MARCHF1: variants seen among roughly 807,000 people sequenced by gnomAD.
The protein encoded by MARCHF1 is E3 ubiquitin-protein ligase MARCHF1.
In MARCHF1, 40 loss-of-function variants were observed where a neutral mutation model predicts 54.2. The ratio of observed to expected loss-of-function variants is 0.74; its 90% CI spans 0.57 to 0.96. MARCHF1 has a LOEUF of 0.96. Among genes scored for constraint, MARCHF1 ranks in the 40% least tolerant of loss-of-function variants. The pLI, the probability that MARCHF1 is intolerant of heterozygous loss-of-function variation, is 0.00. For synonymous variants in MARCHF1, 236 were observed against 236.3 expected (o/e 1.00, Z 0.01); for missense variants, 586 against 656.5 (o/e 0.89, Z 1.17).
intron 4 of MARCHF1, among the ~76,000 whole-genome samples, chr4:163,835,315 G>C (rs994063115): frequency 2.0e-5 from 3 of 152,188 alleles, no homozygotes; most frequent in African/African-American, 7.2e-5. Flanking sequence ...TAAAATCCCA[G>C]TCAGAAATCT....
At chr4:164,352,156 C>CAG (rs1730361414) in intron 1 of MARCHF1, among the ~76,000 whole-genome samples, 1 of 106,076 alleles carries the variant, frequency 9.4e-6, no homozygotes, top group Admixed American at 9.2e-5. Flanking sequence ...GAAAGTGATG[C>CAG]GGAGAATGGA....
intron 1 of MARCHF1, among the ~76,000 whole-genome samples, chr4:164,199,327 A>C (rs1731371641): frequency 6.6e-6 from 1 of 152,152 alleles, no homozygotes; most frequent in Non-Finnish European, 1.5e-5. Context: ...CCACAAATTC[A>C]TCTACCACAC....
intron 2 of MARCHF1, among the ~76,000 whole-genome samples, chr4:164,020,378 G>A (rs1483668889): frequency 1.3e-5 from 2 of 152,174 alleles, no homozygotes; most frequent in Admixed American, 6.5e-5. Context: ...TAAAATATGA[G>A]ATGAAGCATC....
intron 4 of MARCHF1, among the ~76,000 whole-genome samples, chr4:163,823,355 A>G (rs972998553): frequency 6.6e-6 from 1 of 151,846 alleles, no homozygotes; most frequent in African/African-American, 2.4e-5. Context: ...TAGAATCATA[A>G]TTTGTAAATC....
chr4:163,894,652 C>CAT (rs767109244), intron 3 of MARCHF1, among the ~76,000 whole-genome samples: 85 of 888 alleles, frequency 0.096, 37 homozygotes, highest in Non-Finnish European at 0.12. Flanking sequence ...GCATGTGATG[C>CAT]ATATATATGC....
chr4:164,062,296 T>C (rs917205227), intron 2 of MARCHF1, among the ~76,000 whole-genome samples: 1 of 152,118 alleles, frequency 6.6e-6, no homozygotes, highest in African/African-American at 2.4e-5. Context: ...ACTTCCTCCA[T>C]TGAAATTTTG....
intron 3 of MARCHF1, among the ~76,000 whole-genome samples, chr4:163,901,551 C>T (rs1750941115): frequency 6.6e-6 from 1 of 152,124 alleles, no homozygotes; most frequent in South Asian, 2.1e-4. Context: ...CAAGGCAGCA[C>T]ACTTACTGCA....
At chr4:163,918,387 C>A (rs72685690) in intron 3 of MARCHF1, among the ~76,000 whole-genome samples, 16,158 of 152,028 alleles carry the variant, frequency 0.11, 906 homozygotes, top group Non-Finnish European at 0.13. Context: ...CTGTGTTATA[C>A]CTTTTATGGT....
chr4:164,350,493 G>C (rs1730253867), intron 1 of MARCHF1, among the ~76,000 whole-genome samples: 1 of 152,240 alleles, frequency 6.6e-6, no homozygotes, highest in East Asian at 1.9e-4. Context: ...AAAGCTAAAA[G>C]AGAGGATTTT....
Position 163,532,067 on chromosome 4 carries a change from C to G in MARCHF1, c.1340-3021G>C, listed in dbSNP as rs149282380. Among the ~76,000 whole-genome samples the G allele has an allele frequency of 5.9e-5, 9 of 151,918 alleles. No homozygotes were observed. The East Asian group carries it at 1.7e-3, about 29-fold the overall frequency. Reference sequence around the variant, plus strand: ...AATACTATCCCATTCAGAATTCCAGCAAGTTATTTTATGGATATTGACAAA... The same window carrying G: ...AATACTATCCCATTCAGAATTCCAGGAAGTTATTTTATGGATATTGACAAA... On this transcript the variant is annotated intron_variant, in intron 9 of 9. Transcript: ENST00000514618.
intron 3 of MARCHF1, among the ~76,000 whole-genome samples, chr4:163,940,670 A>T (rs1751894383): frequency 6.6e-6 from 1 of 152,238 alleles, no homozygotes; most frequent in African/African-American, 2.4e-5. Context: ...TAATTTTATA[A>T]AATATTTGTG....
At chr4:164,166,334 CTAGT>C (rs1056517790) in intron 1 of MARCHF1, among the ~76,000 whole-genome samples, 4 of 151,936 alleles carry the variant, frequency 2.6e-5, no homozygotes, top group Non-Finnish European at 5.9e-5. Context: ...AAGTGTGAAG[CTAGT>C]TAAAGGCTTT....
chr4:163,743,134 G>C (rs936814844), intron 4 of MARCHF1, among the ~76,000 whole-genome samples: 2 of 152,154 alleles, frequency 1.3e-5, no homozygotes, highest in African/African-American at 4.8e-5. Context: ...GCTACTGGGG[G>C]AAGAGGACAG....
intron 4 of MARCHF1, among the ~76,000 whole-genome samples, chr4:163,701,943 C>A (rs938425467): frequency 1.3e-5 from 2 of 151,800 alleles, no homozygotes; most frequent in African/African-American, 4.8e-5. Context: ...TATAACAACC[C>A]GTGGGGCTGA....
chr4:164,094,514 G>A (rs1320892918), intron 2 of MARCHF1, among the ~76,000 whole-genome samples: 4 of 152,204 alleles, frequency 2.6e-5, no homozygotes, highest in South Asian at 4.1e-4. Flanking sequence ...ATTGCCATAA[G>A]GTTATATAAG....
At chr4:163,755,324 T>G (rs1442732137) in intron 4 of MARCHF1, among the ~76,000 whole-genome samples, 1 of 152,166 alleles carries the variant, frequency 6.6e-6, no homozygotes, top group Non-Finnish European at 1.5e-5. Flanking sequence ...CCACAGCTAA[T>G]AAACTTTTTG....
rs375137844 is a variant in MARCHF1, at chr4:164,147,010, A to G, written c.-322-35348T>C. 7.1e-3 allele frequency among the ~76,000 whole-genome samples: 1,075 copies of G among 151,720 alleles called. 11 individuals carry two copies. Among genetic ancestry groups the G allele is most frequent in the African/African-American group, 0.025 (1,011 of 41,192 alleles). ...CAAACAACCCCCTCAAAAAGTGGGC[A>G]AAGGACATGAACAGACACTTCTCAA... On this transcript the variant is annotated intron_variant, in intron 1 of 9. Transcript: ENST00000514618.
At chr4:164,324,379 C>T (rs868160041) in intron 1 of MARCHF1, among the ~76,000 whole-genome samples, 3 of 151,674 alleles carry the variant, frequency 2.0e-5, no homozygotes, top group South Asian at 2.1e-4. Context: ...CACAGGGAAA[C>T]ACACTATTAT....
rs938009653 is a variant in MARCHF1 at position 163,866,381 on chromosome 4, T to C, written c.-38-12212A>G. 8.7e-5 allele frequency among the ~76,000 whole-genome samples: 13 copies of C among 148,602 alleles called. 1 individual carries two copies. The highest frequency in any genetic ancestry group is 8.2e-4 in the Admixed American group (12 of 14,694). Reference sequence around the variant, plus strand: ...TTTATTTCAGGTTTCAAAATATACATGTAGAATGAAAATAGAGAAAAAATA... The same window carrying C: ...TTTATTTCAGGTTTCAAAATATACACGTAGAATGAAAATAGAGAAAAAATA... On this transcript the variant is annotated intron_variant, in intron 3 of 9. Coordinates refer to ENST00000514618, the MANE Select transcript of MARCHF1 (RefSeq NM_001394959.1).
Sources: allele counts gnomAD v4.1 joint callset (sites outside exome capture counted in the v4.1 genomes callset), GRCh38; gene constraint gnomAD v4.1.1; transcripts MANE v1.5; gene names NCBI Gene and HGNC (gene_info 2026-07-23, HGNC 2026-07-21).